Variants in FSIP2 observed in about 807,000 individuals in gnomAD.
FSIP2 encodes the protein fibrous sheath-interacting protein 2.
FSIP2 carries 367 observed loss-of-function variants against 510.5 expected under a neutral mutation model. The observed-to-expected ratio is 0.72, with a 90% confidence interval of 0.66 to 0.78. FSIP2 has a LOEUF of 0.78. Among genes scored for constraint, FSIP2 ranks in the 30% least tolerant of loss-of-function variants. The pLI, the probability that FSIP2 is intolerant of heterozygous loss-of-function variation, is 0.00. For synonymous variants in FSIP2, 2,601 were observed against 2,732.2 expected, an observed-to-expected ratio of 0.95 and a Z score of 1.50; for missense variants, 7,594 against 7,901.7, an observed-to-expected ratio of 0.96 and a Z score of 1.48.
In FSIP2 at chr2:185,824,439, C is replaced by A; in HGVS notation, c.20432C>A (p.Ala6811Asp). 1 of 1,588,890 alleles carries A rather than the reference C, an allele frequency of 6.3e-7. No individual in the cohort carries two copies. Among genetic ancestry groups the A allele is most frequent in the Non-Finnish European group, 8.6e-7 (1 of 1,165,118 alleles). Residue 6811 changes from alanine (A) to aspartate (D), a missense_variant, in exon 20 of 23, where the codon GCT becomes GAT. Physicochemically the swap from Ala to Asp is moderately radical, Grantham distance 126. Transcript: ENST00000424728. ...QEDLISSTGEAEDCHSDPSAK... is the reference protein window; with the variant it reads ...QEDLISSTGEDEDCHSDPSAK... ...TTCTTTTTCTTTTGTTTTAGTGAGG[C>A]TGAAGATTGTCACTCAGACCCAAGT...
chr2:185,789,071 A>AGAT lies in FSIP2; in HGVS notation c.1936_1938dup (p.Asp646dup), dbSNP rs1439414790. The AGAT allele has an allele frequency of 2.0e-6, 3 of 1,534,664 alleles. No individual in the cohort carries two copies. Among genetic ancestry groups the AGAT allele is most frequent in the East Asian group, 4.9e-5 (2 of 40,864 alleles). ...ACCCTAAGCTCAGAAGTTGTAAATC[A>AGAT]GATAGTCACCTTTTAGCATCATTTG... On this transcript the variant is annotated inframe_insertion, in exon 16 of 23. Transcript: ENST00000424728.
intron 7 of FSIP2, 136 bp from the exon 8 acceptor site, chr2:185,753,586 T>C (rs1449034266): frequency 4.1e-6 from 2 of 492,006 alleles, no homozygotes; most frequent in African/African-American, 4.0e-5. Flanking sequence ...CTTACTACTC[T>C]CTTATTTTTG....
In FSIP2 at chr2:185,796,902, C is replaced by G. The variant is rs1343606331; in HGVS notation, c.9766C>G (p.Gln3256Glu). 1 of 1,534,986 alleles carries G rather than the reference C, an allele frequency of 6.5e-7. No individual in the cohort carries two copies. The highest frequency in any genetic ancestry group is 8.7e-7 in the Non-Finnish European group (1 of 1,146,240). Residue 3256 changes from glutamine to glutamate, a missense_variant, in exon 16 of 23, where the codon CAG (glutamine) becomes GAG (glutamate). Transcript: ENST00000424728. ...PRESNFGSFDQTMKGNSYLPE... is the reference protein window; with the variant it reads ...PRESNFGSFDETMKGNSYLPE... Reference sequence around the variant, plus strand: ...GGAATCTAACTTTGGTAGTTTTGATCAGACCATGAAAGGAAATAGCTACCT... The same window carrying G: ...GGAATCTAACTTTGGTAGTTTTGATGAGACCATGAAAGGAAATAGCTACCT...
At position 185,795,083 on chromosome 2, in the gene FSIP2, G is replaced by C; in HGVS notation, c.7947G>C (p.Lys2649Asn). 1 of 1,534,730 alleles carries C rather than the reference G, an allele frequency of 6.5e-7. No homozygotes were observed. Among genetic ancestry groups the C allele is most frequent in the Non-Finnish European group, 8.7e-7 (1 of 1,146,034 alleles). Residue 2649 changes from lysine to asparagine, a missense_variant, in exon 16 of 23, where the codon AAG becomes AAC. Lys to Asn is a moderately conservative substitution (Grantham distance 94, BLOSUM62 0). Coordinates refer to ENST00000424728, the MANE Select transcript of FSIP2 (RefSeq NM_173651.4). ...CAAATTTTGTCTCACTTCCTTTAAA[G>C]GTGAGCCCTAAGGACAACCCTAAGC... is the stretch of plus-strand genomic sequence containing the variant. Reference protein sequence around the residue: ...KITNFVSLPLKVSPKDNPKPC... With the variant: ...KITNFVSLPLNVSPKDNPKPC...
chr2:185,795,581 A>T lies in FSIP2; in HGVS notation c.8445A>T (p.Gln2815His). Residue 2815 changes from glutamine (Q) to histidine (H), a missense_variant, in exon 16 of 23, where the codon CAA becomes CAT. Gln to His is a conservative substitution (Grantham distance 24). Transcript: ENST00000424728. ...GCACAGGATCCCTTCCTAAACAACA[A>T]GCATGTTTTTACTTGGAGAATGTTT... ...NIGTGSLPKQ[Q>H]ACFYLENVSS... is the part of the protein sequence containing the mutation. The T allele has an allele frequency of 6.5e-7, 1 of 1,535,092 alleles. No individual in the cohort carries two copies. Among genetic ancestry groups the T allele is most frequent in the Non-Finnish European group, 8.7e-7 (1 of 1,146,112 alleles).
intron 19 of FSIP2, among the ~76,000 whole-genome samples, chr2:185,817,508 G>A (rs939085183): frequency 1.3e-5 from 2 of 151,882 alleles, no homozygotes; most frequent in Non-Finnish European, 1.5e-5. Context: ...CACAAACACA[G>A]GCTTGAAAAC....
At chr2:185,778,912 G>A (rs72900022) in intron 13 of FSIP2, among the ~76,000 whole-genome samples, 6 of 151,708 alleles carry the variant, frequency 4.0e-5, no homozygotes, top group African/African-American at 1.5e-4. Context: ...AAATATTTTT[G>A]ATCTAGTGAT....
At position 185,790,089 on chromosome 2, in the gene FSIP2, T is replaced by C; in HGVS notation, c.2953T>C (p.Ser985Pro). 2 of 1,533,876 alleles carry C rather than the reference T, an allele frequency of 1.3e-6. No individual in the cohort carries two copies. Among genetic ancestry groups the C allele is most frequent in the African/African-American group, 1.4e-5 (1 of 72,992 alleles). Reference sequence around the variant, plus strand: ...CACTAGATTATCAAATAGTCCTAGGTCTGGAAGACCATTTCCACCTATAAA... The same window carrying C: ...CACTAGATTATCAAATAGTCCTAGGCCTGGAAGACCATTTCCACCTATAAA... ...TGTRLSNSPR[S>P]GRPFPPINVP... The change falls in exon 16 of 23, where the codon TCT becomes CCT. Residue 985 changes from serine to proline, a missense_variant. By Grantham distance (74) the Ser-to-Pro change is moderately conservative. Transcript: ENST00000424728.
intron 19 of FSIP2, among the ~76,000 whole-genome samples, chr2:185,816,672 T>C (rs1173101801): frequency 6.6e-6 from 1 of 151,306 alleles, no homozygotes; most frequent in Non-Finnish European, 1.5e-5. Context: ...ACCCTAACTC[T>C]ACTAAAATAA....
rs764621390 is a variant in FSIP2, at chr2:185,807,643, C to G, written c.18337C>G (p.Leu6113Val). 1 of 1,612,900 alleles carries G rather than the reference C, an allele frequency of 6.2e-7. No homozygotes were observed. Among genetic ancestry groups the G allele is most frequent in the South Asian group, 1.1e-5 (1 of 91,044 alleles). Residue 6113 changes from leucine to valine, a missense_variant, in exon 17 of 23, where the codon CTT (leucine) becomes GTT (valine). Leu to Val is a conservative substitution (Grantham distance 32, BLOSUM62 1). Transcript: ENST00000424728. ...QNCVTSGCKILSENIVDLVLR... is the reference protein window; with the variant it reads ...QNCVTSGCKIVSENIVDLVLR... ...TTGTGTAACCAGTGGATGCAAAATC[C>G]TTTCAGAAAACATAGTTGACTTGGT...
intron 20 of FSIP2, among the ~76,000 whole-genome samples, chr2:185,825,161 G>C (rs961626489): frequency 6.6e-6 from 1 of 151,736 alleles, no homozygotes; most frequent in Non-Finnish European, 1.5e-5. Context: ...ATTTGAGAGT[G>C]AAAATCATTT....
Position 185,744,427 on chromosome 2 carries a change from A to G in FSIP2, c.477+16A>G. ...AAAAGAACAAGTAAGTTAAATACTTAAATTTGGTTTATTTACATAGAGTTT... is the reference window on the plus strand; with the variant it reads ...AAAAGAACAAGTAAGTTAAATACTTGAATTTGGTTTATTTACATAGAGTTT... On this transcript the variant is annotated intron_variant, in intron 4 of 22. Transcript: ENST00000424728. The G allele has an allele frequency of 1.4e-6, 1 of 711,578 alleles. No homozygotes were observed. The allele number at this position is 711,578 out of a possible 1,614,324, so 44.1% of individuals were successfully genotyped here.
At chr2:185,822,808 C>T (rs1267819523) in intron 19 of FSIP2, among the ~76,000 whole-genome samples, 1 of 151,698 alleles carries the variant, frequency 6.6e-6, no homozygotes, top group Non-Finnish European at 1.5e-5. Context: ...TCAAATCTTA[C>T]TACAAAGCTA....
rs558463276 is a variant in FSIP2 at position 185,807,754 on chromosome 2, G to C, written c.18448G>C (p.Val6150Leu). ...PHQCVEVENI[V>L]EKILKDVFQT... ...TCAGTGTGTGGAAGTTGAAAACATC[G>C]TTGAAAAGATCCTTAAAGATGTTTT... Residue 6150 changes from valine to leucine, a missense_variant, in exon 17 of 23, where the codon GTT becomes CTT. Physicochemically the swap from Val to Leu is conservative, Grantham distance 32 (BLOSUM62 1). Transcript: ENST00000424728. The C allele has an allele frequency of 1.9e-6, 3 of 1,612,076 alleles. 1 individual carries two copies. The highest frequency in any genetic ancestry group is 2.2e-5 in the South Asian group (2 of 90,860).
chr2:185,801,421 C>G lies in FSIP2; in HGVS notation c.12115C>G (p.His4039Asp). Residue 4039 changes from histidine (H) to aspartate (D), a missense_variant, in exon 17 of 23, where the codon CAT becomes GAT. Transcript: ENST00000424728. ...AGAAAGGCTGTGTTTTCCACCAGTT[C>G]ATACAGAAACTGTTAGCAAAATTGT... ...AEERLCFPPV[H>D]TETVSKIVDS... The G allele has an allele frequency of 2.6e-6, 4 of 1,533,900 alleles. 1 individual carries two copies. The South Asian group carries it at 4.8e-5, about 18-fold the overall frequency.
At chr2:185,749,242 A>G (rs1488331301) in intron 7 of FSIP2, among the ~76,000 whole-genome samples, 1 of 151,816 alleles carries the variant, frequency 6.6e-6, no homozygotes, top group Non-Finnish European at 1.5e-5. Flanking sequence ...TTTGGGCACA[A>G]TTTACCTCTT....
At position 185,792,043 on chromosome 2, in the gene FSIP2, T is replaced by C; in HGVS notation, c.4907T>C (p.Leu1636Pro). Residue 1636 changes from leucine to proline, a missense_variant, in exon 16 of 23, where the codon CTG (leucine) becomes CCG (proline). Coordinates refer to ENST00000424728, the MANE Select transcript of FSIP2 (RefSeq NM_173651.4). ...ISRDTHEASFLSALYMHAKKV... is the reference protein window; with the variant it reads ...ISRDTHEASFPSALYMHAKKV... ...AGAGACACACATGAAGCATCATTTCTGTCTGCTTTATATATGCATGCAAAG... is the reference window on the plus strand; with the variant it reads ...AGAGACACACATGAAGCATCATTTCCGTCTGCTTTATATATGCATGCAAAG... 2 of 1,534,058 alleles carry C rather than the reference T, an allele frequency of 1.3e-6. No individual in the cohort carries two copies. The highest frequency in any genetic ancestry group is 1.7e-6 in the Non-Finnish European group (2 of 1,145,380).
At chr2:185,775,872 C>T in intron 13 of FSIP2, among the ~76,000 whole-genome samples, 1 of 152,130 alleles carries the variant, frequency 6.6e-6, no homozygotes, top group East Asian at 1.9e-4. Context: ...CCATGTTGGC[C>T]AGGCTGGTGT....
At position 185,794,585 on chromosome 2, in the gene FSIP2, G is replaced by T. The variant is rs770083904; in HGVS notation, c.7449G>T (p.Leu2483=). The change falls in exon 16 of 23, where the codon CTG becomes CTT. Residue 2483 remains leucine (L), a synonymous_variant. Coordinates refer to ENST00000424728, the MANE Select transcript of FSIP2 (RefSeq NM_173651.4). ...GESKNKEKGE[L]LIAVEELLNK... Reference sequence around the variant, plus strand: ...CAAAAAACAAAGAAAAAGGTGAACTGCTCATTGCAGTGGAAGAACTTTTGA... The same window carrying T: ...CAAAAAACAAAGAAAAAGGTGAACTTCTCATTGCAGTGGAAGAACTTTTGA... 4 of 1,532,014 alleles carry T rather than the reference G, an allele frequency of 2.6e-6. No homozygotes were observed. Among genetic ancestry groups the T allele is most frequent in the Admixed American group, 2.0e-5 (1 of 50,556 alleles). 94.9% of individuals were successfully genotyped at this position (1,532,014 alleles called of 1,614,324 possible). A position where few individuals can be genotyped will look rare whatever the true frequency, so the allele number is the denominator to read the frequency against.
Sources: allele counts gnomAD v4.1 joint callset (sites outside exome capture counted in the v4.1 genomes callset), GRCh38; gene constraint gnomAD v4.1.1; transcripts MANE v1.5; gene names NCBI Gene and HGNC (gene_info 2026-07-23, HGNC 2026-07-21).